VAV2: variants seen among roughly 807,000 people sequenced by gnomAD.
VAV2 encodes the protein guanine nucleotide exchange factor VAV2.
VAV2 carries 67 observed loss-of-function variants against 132.5 expected under a neutral mutation model. That is an observed-to-expected ratio of 0.51 (90% CI 0.42 to 0.62). The LOEUF is 0.62. Ranked by LOEUF, VAV2 falls within the 20% of genes least tolerant of loss-of-function variation. The pLI is 0.00. For synonymous variants in VAV2, 492 were observed against 443.5 expected (o/e 1.11, Z -1.37); for missense variants, 938 against 1,153.6 (o/e 0.81, Z 2.71).
Position 133,894,182 on chromosome 9 carries a change from A to G in VAV2, c.322-32750T>C, listed in dbSNP as rs1422467849. Among the ~76,000 whole-genome samples the G allele has an allele frequency of 8.5e-5, 13 of 152,224 alleles. No individual in the cohort carries two copies. The East Asian group carries it at 2.5e-3, about 29-fold the overall frequency. On this transcript the variant is annotated intron_variant, in intron 2 of 29. Transcript: ENST00000371850. Reference sequence around the variant, plus strand: ...ACTGCCACCACCATGTCCGCTCTAAAGTGCACTGTGAGGGATCCAGGGACC... The same window carrying G: ...ACTGCCACCACCATGTCCGCTCTAAGGTGCACTGTGAGGGATCCAGGGACC...
At position 133,763,798 on chromosome 9, in the gene VAV2, C is replaced by T. The variant is rs1462291148; in HGVS notation, c.*264G>A. ...CCCAGAGCCTGGCTCGCAGCGCTGTCGGTGCCCCCTCCTCTGCGCTCTGGG... is the reference window on the plus strand; with the variant it reads ...CCCAGAGCCTGGCTCGCAGCGCTGTTGGTGCCCCCTCCTCTGCGCTCTGGG... On this transcript the variant is annotated 3_prime_UTR_variant, in exon 30 of 30. Transcript: ENST00000371850. The surrounding 1 kb of genome is among the most constrained non-coding windows in gnomAD (Gnocchi z 6.8). 8.0e-6 allele frequency: 4 copies of T among 497,436 alleles called. No homozygotes were observed. Among genetic ancestry groups the T allele is most frequent in the East Asian group, 7.1e-5 (2 of 28,056 alleles). 30.8% of individuals were successfully genotyped at this position (497,436 alleles called of 1,614,324 possible). A position where few individuals can be genotyped will look rare whatever the true frequency, so the allele number is the denominator to read the frequency against.
intron 1 of VAV2, among the ~76,000 whole-genome samples, chr9:133,958,599 A>G (rs950947676): frequency 6.7e-6 from 1 of 150,282 alleles, no homozygotes; most frequent in Non-Finnish European, 1.5e-5. Context: ...GGCTGGCGGG[A>G]TCCTCCATAT....
At chr9:133,773,796 G>A (rs1398175718) in intron 25 of VAV2, among the ~76,000 whole-genome samples, 1 of 152,156 alleles carries the variant, frequency 6.6e-6, no homozygotes, top group Non-Finnish European at 1.5e-5. Context: ...ACTGTATAGT[G>A]AATCCATAAA....
At chr9:133,780,035 T>C (rs1239985623) in intron 20 of VAV2, 96 bp from the exon 21 acceptor site, 1 of 1,537,114 alleles carries the variant, frequency 6.5e-7, no homozygotes, top group East Asian at 2.3e-5. Context: ...TCCCCACTAG[T>C]TCCTAGATAG....
chr9:133,942,436 C>T (rs531093064), intron 1 of VAV2, among the ~76,000 whole-genome samples: 3 of 152,352 alleles, frequency 2.0e-5, no homozygotes, highest in East Asian at 1.9e-4. Flanking sequence ...CCACCACGGT[C>T]GATGGTGCTT....
intron 21 of VAV2, 66 bp from the exon 22 acceptor site, chr9:133,778,955 C>A (rs901419119): frequency 6.3e-7 from 1 of 1,578,726 alleles, no homozygotes; most frequent in Non-Finnish European, 8.6e-7. Flanking sequence ...TTGGCCCCGG[C>A]CCGCAGCCCA....
At chr9:133,987,138 G>T (rs2132310485) in intron 1 of VAV2, among the ~76,000 whole-genome samples, 1 of 152,298 alleles carries the variant, frequency 6.6e-6, no homozygotes, top group East Asian at 1.9e-4. Context: ...CTCAGACCTG[G>T]AAGGGGGGCA....
chr9:133,944,335 C>T lies in VAV2; in HGVS notation c.205-5116G>A, dbSNP rs3780775. Among the ~76,000 whole-genome samples, 400 of 152,304 alleles carry T rather than the reference C, an allele frequency of 2.6e-3. 10 individuals are homozygous for T. In the East Asian group the frequency reaches 0.069, roughly 26 times the overall value. Reference sequence around the variant, plus strand: ...TCGCCCTCCAGAGCTGGCATCTAGCCGGCATGACCTGAGAGGGGTACAAAA... The same window carrying T: ...TCGCCCTCCAGAGCTGGCATCTAGCTGGCATGACCTGAGAGGGGTACAAAA... On this transcript the variant is annotated intron_variant, in intron 1 of 29. Transcript: ENST00000371850.
In VAV2 at chr9:133,967,034, C is replaced by CAAAA. The variant is rs71380266; in HGVS notation, c.204+25037_204+25040dup. ...TAGGTGACTGAGCAAGACTTTGTCTCAAAAAAAAAAAAAAAAAGCAAATAG... is the reference window on the plus strand; with the variant it reads ...TAGGTGACTGAGCAAGACTTTGTCTCAAAAAAAAAAAAAAAAAAAAAGCAAATAG... On this transcript the variant is annotated intron_variant, in intron 1 of 29. Transcript: ENST00000371850. Among the ~76,000 whole-genome samples the CAAAA allele has an allele frequency of 3.2e-4, 34 of 106,142 alleles. 1 individual carries two copies. The highest frequency in any genetic ancestry group is 2.1e-4 in the Admixed American group (2 of 9,396). The allele number at this position is 106,142 out of a possible 152,430, so 69.6% of individuals were successfully genotyped here.
At chr9:133,971,552 G>C (rs1842334790) in intron 1 of VAV2, among the ~76,000 whole-genome samples, 1 of 152,136 alleles carries the variant, frequency 6.6e-6, no homozygotes, top group African/African-American at 2.4e-5. Context: ...TGCTCCACTG[G>C]GGAGGTGAGT....
At chr9:133,944,426 G>A (rs1418166315) in intron 1 of VAV2, among the ~76,000 whole-genome samples, 1 of 152,194 alleles carries the variant, frequency 6.6e-6, no homozygotes, top group African/African-American at 2.4e-5. Flanking sequence ...GCCTCAGCTG[G>A]GGAGCTGCAG....
chr9:133,962,643 G>A (rs970670462), intron 1 of VAV2, among the ~76,000 whole-genome samples: 14 of 152,004 alleles, frequency 9.2e-5, no homozygotes, highest in South Asian at 2.1e-4. Flanking sequence ...CAAAGCTCCC[G>A]GTGCTGGGAC....
At chr9:133,778,624 C>T in intron 22 of VAV2, 138 bp downstream of exon 22, 1 of 1,344,834 alleles carries the variant, frequency 7.4e-7, no homozygotes. Flanking sequence ...TGCTAGGCCC[C>T]CTGTGCCTCC....
intron 1 of VAV2, among the ~76,000 whole-genome samples, chr9:133,955,389 C>T (rs1016203108): frequency 5.4e-5 from 8 of 148,056 alleles, no homozygotes; most frequent in East Asian, 2.0e-4. Flanking sequence ...TCCCCGCCCA[C>T]GCTCCTCCCC....
intron 16 of VAV2, chr9:133,786,120 C>A (rs919509084): frequency 7.1e-6 from 4 of 563,596 alleles, no homozygotes; most frequent in Non-Finnish European, 1.3e-5. Flanking sequence ...CATACCCTCA[C>A]GTGAGAATAC....
intron 5 of VAV2, among the ~76,000 whole-genome samples, chr9:133,810,892 T>C (rs7021663): frequency 0.28 from 42,451 of 152,196 alleles, 6,787 homozygotes; most frequent in African/African-American, 0.45. Flanking sequence ...GAAGTTTACC[T>C]GCAGGACGCC....
rs1261732018 is a variant in VAV2, at chr9:133,804,661, C to G, written c.836+1420G>C. ...CTTCCTGGCCGAGGGACAGCATGAACAAGGCGCTGAAAAGGACCACTGTAC... is the reference window on the plus strand; with the variant it reads ...CTTCCTGGCCGAGGGACAGCATGAAGAAGGCGCTGAAAAGGACCACTGTAC... On this transcript the variant is annotated intron_variant, in intron 9 of 29. Transcript: ENST00000371850. The surrounding 1 kb of genome is among the most constrained non-coding windows in gnomAD (Gnocchi z 4.5). 6.6e-6 allele frequency among the ~76,000 whole-genome samples: 1 copy of G among 152,210 alleles called. No individual in the cohort carries two copies. The highest frequency in any genetic ancestry group is 1.5e-5 in the Non-Finnish European group (1 of 68,020).
At chr9:133,955,393 CCTCCCCA>C (rs1174148963) in intron 1 of VAV2, among the ~76,000 whole-genome samples, 38 of 147,184 alleles carry the variant, frequency 2.6e-4, no homozygotes, top group African/African-American at 9.3e-4. Flanking sequence ...CGCCCACGCT[CCTCCCCA>C]CTCCCCACAC....
intron 1 of VAV2, among the ~76,000 whole-genome samples, chr9:133,945,866 G>C (rs1841339922): frequency 6.6e-6 from 1 of 152,158 alleles, no homozygotes; most frequent in Non-Finnish European, 1.5e-5. Flanking sequence ...CCCACAGCAG[G>C]TGCTCCAGGT....
Sources: allele counts gnomAD v4.1 joint callset (sites outside exome capture counted in the v4.1 genomes callset), GRCh38; gene constraint gnomAD v4.1.1; non-coding constraint Gnocchi (gnomAD v3.1); transcripts MANE v1.5; gene names NCBI Gene and HGNC (gene_info 2026-07-23, HGNC 2026-07-21).